PSPC1: variants seen among roughly 807,000 people sequenced by gnomAD.
PSPC1 encodes the protein paraspeckle component 1.
A neutral mutation model predicts 51.6 loss-of-function variants in PSPC1; 14 were observed. The ratio of observed to expected loss-of-function variants is 0.27; its 90% CI spans 0.18 to 0.42. The LOEUF (loss-of-function observed/expected upper bound fraction) is 0.42. PSPC1 is among the 10% of genes least tolerant of loss of function. The pLI is 1.00. For missense variants in PSPC1, 406 were observed against 701.1 expected (o/e 0.58, Z 4.75); for synonymous variants, 193 against 231.9 (o/e 0.83, Z 1.53).
chr13:19,702,282 C>G (rs753795218), downstream of PSPC1, among the ~76,000 whole-genome samples: 15 of 152,152 alleles, frequency 9.9e-5, no homozygotes, highest in Non-Finnish European at 1.8e-4. Flanking sequence ...TTCTAGAAAC[C>G]TACATTCTCA....
chr13:19,718,026 G>A (rs896610097), intron 6 of PSPC1, among the ~76,000 whole-genome samples: 8 of 152,046 alleles, frequency 5.3e-5, no homozygotes, highest in African/African-American at 1.7e-4. Context: ...CTGGGTGACA[G>A]AATGAGACCT....
intron 1 of PSPC1, among the ~76,000 whole-genome samples, chr13:19,777,476 A>G (rs961640477): frequency 4.0e-5 from 6 of 151,440 alleles, no homozygotes; most frequent in African/African-American, 1.5e-4. Flanking sequence ...AAAAATTTTC[A>G]CCAAATGGCG....
intron 1 of PSPC1, among the ~76,000 whole-genome samples, chr13:19,773,248 CAT>C (rs1491292734): frequency 2.9e-5 from 4 of 138,754 alleles, no homozygotes; most frequent in African/African-American, 9.0e-5. Context: ...GTTTTTATCT[CAT>C]TTTTTTTTTT....
chr13:19,726,319 C>T (rs998110074), intron 6 of PSPC1, among the ~76,000 whole-genome samples: 3 of 152,248 alleles, frequency 2.0e-5, no homozygotes, highest in African/African-American at 7.2e-5. Flanking sequence ...TTTGAATCTT[C>T]GCTACCAAAA....
chr13:19,736,866 T>G (rs1005316980), intron 5 of PSPC1: 4 of 152,152 alleles, frequency 2.6e-5, no homozygotes, highest in African/African-American at 9.7e-5. Context: ...ATATTATAAT[T>G]AACTATAGAC....
At chr13:19,702,234 T>A (rs1880000139), downstream of PSPC1, among the ~76,000 whole-genome samples, 2 of 152,140 alleles carry the variant, frequency 1.3e-5, no homozygotes, top group Admixed American at 1.3e-4. Context: ...TTTAGGGAAA[T>A]ATTTACAACA....
At chr13:19,732,937 G>A (rs1230968107) in intron 5 of PSPC1, among the ~76,000 whole-genome samples, 3 of 118,708 alleles carry the variant, frequency 2.5e-5, no homozygotes, top group South Asian at 2.7e-4. Context: ...AAAAAAAAAA[G>A]AAAAAGAAAA....
downstream of PSPC1, chr13:19,673,107 T>G (rs765926211): frequency 1.4e-3 from 654 of 452,844 alleles, 3 homozygotes; most frequent in East Asian, 9.1e-3. Context: ...TGTTTTTTTT[T>G]TTTGAAAAGC....
intron 1 of PSPC1, among the ~76,000 whole-genome samples, chr13:19,774,494 C>T (rs1749590862): frequency 6.6e-6 from 1 of 151,994 alleles, no homozygotes; most frequent in Admixed American, 6.6e-5. Flanking sequence ...TGGATTCAAC[C>T]AAAAGTGGAT....
At chr13:19,775,323 G>A (rs190715163) in intron 1 of PSPC1, among the ~76,000 whole-genome samples, 74 of 151,910 alleles carry the variant, frequency 4.9e-4, no homozygotes, top group African/African-American at 1.6e-3. Context: ...CTACACTCAC[G>A]CCTGGGTGAC....
At chr13:19,762,257 A>C (rs1887665275) in intron 2 of PSPC1, among the ~76,000 whole-genome samples, 1 of 152,168 alleles carries the variant, frequency 6.6e-6, no homozygotes, top group Admixed American at 6.6e-5. Flanking sequence ...AACATAAACC[A>C]GTGAGCAAAG....
intron 6 of PSPC1, among the ~76,000 whole-genome samples, chr13:19,690,109 A>G (rs1200945273): frequency 6.6e-6 from 1 of 152,228 alleles, no homozygotes; most frequent in Non-Finnish European, 1.5e-5. Flanking sequence ...TTTGTAAAAG[A>G]GTTTTTCAAT....
intron 6 of PSPC1, among the ~76,000 whole-genome samples, chr13:19,711,866 G>T (rs1001201145): frequency 1.4e-4 from 21 of 151,036 alleles, no homozygotes; most frequent in Non-Finnish European, 2.4e-4. Flanking sequence ...AAGCTAGACT[G>T]TAATATAAAA....
intron 6 of PSPC1, among the ~76,000 whole-genome samples, chr13:19,711,853 A>AG (rs1251004723): frequency 1.3e-5 from 2 of 151,904 alleles, no homozygotes; most frequent in Non-Finnish European, 2.9e-5. Flanking sequence ...TCAAAAAAAA[A>AG]AAAAGCTAGA....
chr13:19,673,125 T>G, downstream of PSPC1: 1 of 453,772 alleles, frequency 2.2e-6, no homozygotes, highest in Non-Finnish European at 4.4e-6. Context: ...AGCCAGACCT[T>G]GTGCCCTTGT....
chr13:19,747,699 G>A (rs1886138095), intron 4 of PSPC1, among the ~76,000 whole-genome samples: 2 of 152,068 alleles, frequency 1.3e-5, no homozygotes, highest in South Asian at 2.1e-4. Flanking sequence ...AATGACATAT[G>A]CAAATTTTTT....
intron 4 of PSPC1, among the ~76,000 whole-genome samples, chr13:19,743,452 C>A (rs573208032): frequency 6.8e-6 from 1 of 147,976 alleles, no homozygotes; most frequent in Non-Finnish European, 1.5e-5. Flanking sequence ...CCCCATTTTA[C>A]AGATTAAAAA....
chr13:19,728,439 AACACACACACACACACAC>A (rs56662113), intron 6 of PSPC1, among the ~76,000 whole-genome samples: 86,649 of 144,388 alleles, frequency 0.6, 29,103 homozygotes, highest in East Asian at 0.83. Flanking sequence ...TCAAAGCTTA[AACACACACACACACACAC>A]ACACACACAC....
intron 4 of PSPC1, among the ~76,000 whole-genome samples, chr13:19,742,162 C>T (rs1290620688): frequency 1.7e-4 from 25 of 147,726 alleles, no homozygotes; most frequent in Admixed American, 9.7e-4. Context: ...GGGAAAAACA[C>T]GTAATAAACT....
Sources: gnomAD v4.1 joint callset for allele counts (sites outside exome capture counted in the v4.1 genomes callset) on GRCh38, gnomAD v4.1.1 for gene constraint, MANE v1.5 for transcripts, NCBI Gene and HGNC (gene_info 2026-07-23, HGNC 2026-07-21) for gene names.